Variants in RSF1 observed in about 807,000 individuals in gnomAD.
RSF1 encodes HBV pX-associated protein 8.
A neutral mutation model predicts 145.2 loss-of-function variants in RSF1; 13 were observed. The observed-to-expected ratio is 0.09, with a 90% CI of 0.06 to 0.14. RSF1 has a LOEUF of 0.14. Among genes scored for constraint, RSF1 ranks in the 10% least tolerant of loss-of-function variants. The pLI is 1.00. For missense variants in RSF1, 1,517 were observed against 1,718.2 expected (o/e 0.88, Z 2.07); for synonymous variants, 577 against 592.6 (o/e 0.97, Z 0.38).
At chr11:77,853,075 A>C in the RSF1 span, among the ~76,000 whole-genome samples, 29 of 152,230 alleles carry the variant, frequency 1.9e-4, 1 homozygote, top group Non-Finnish European at 7.3e-5. Flanking sequence ...ATTGTGCTTA[A>C]AGAGTAAATG....
chr11:77,805,535 T>C (rs1033377825), intron 1 of RSF1, among the ~76,000 whole-genome samples: 1 of 152,174 alleles, frequency 6.6e-6, no homozygotes, highest in East Asian at 1.9e-4. Flanking sequence ...AATGCCAAGA[T>C]AGTTAATTAA....
At chr11:77,860,556 T>C in the RSF1 span, among the ~76,000 whole-genome samples, 3 of 152,228 alleles carry the variant, frequency 2.0e-5, no homozygotes, top group Admixed American at 2.0e-4. Context: ...ACAAGGTTTC[T>C]GAAAGGGCAG....
At chr11:77,830,761 G>T in the RSF1 span, among the ~76,000 whole-genome samples, 1 of 151,888 alleles carries the variant, frequency 6.6e-6, no homozygotes, top group Admixed American at 6.6e-5. Flanking sequence ...TTTCACCAAA[G>T]AAAATATACA....
At chr11:77,735,090 G>A (rs1314714592) in intron 4 of RSF1, 3 of 932,654 alleles carry the variant, frequency 3.2e-6, no homozygotes, top group East Asian at 2.6e-5. Context: ...CGGCGGCAGG[G>A]GCCTTGGGGC....
chr11:77,868,556 G>A, the RSF1 span, among the ~76,000 whole-genome samples: 11 of 147,738 alleles, frequency 7.4e-5, no homozygotes, highest in Non-Finnish European at 1.2e-4. Context: ...ATGGGGTTTC[G>A]CCATGTTGAC....
chr11:77,764,300 T>A (rs1948204424), intron 2 of RSF1: 1 of 264,304 alleles, frequency 3.8e-6, no homozygotes, highest in Non-Finnish European at 7.0e-6. Context: ...ATTAGTTTCT[T>A]ACTTGATGTG....
chr11:77,788,520 G>A (rs1948483772), intron 1 of RSF1, among the ~76,000 whole-genome samples: 1 of 146,116 alleles, frequency 6.8e-6, no homozygotes, highest in Non-Finnish European at 1.5e-5. Flanking sequence ...AAAAAGACTA[G>A]CGAACTTAAA....
the RSF1 span, among the ~76,000 whole-genome samples, chr11:77,834,442 T>G: frequency 1.2e-4 from 2 of 17,156 alleles, no homozygotes; most frequent in East Asian, 2.0e-3. Context: ...GTTGATTTTG[T>G]TTTTTTTTTT....
At position 77,664,539 on chromosome 11, in the gene RSF1, T is replaced by C. The variant is rs1255469922; in HGVS notation, c.*2378A>G. The C allele has an allele frequency of 2.0e-5, 3 of 152,188 alleles. No homozygotes were observed. The highest frequency in any genetic ancestry group is 4.4e-5 in the Non-Finnish European group (3 of 68,032). The allele number at this position is 152,188 out of a possible 1,614,324, so 9.4% of individuals were successfully genotyped here. On this transcript the variant is annotated 3_prime_UTR_variant, in exon 16 of 16. Coordinates refer to ENST00000308488, the MANE Select transcript of RSF1 (RefSeq NM_016578.4). ...CCCATTTAATACTACTTCTGATCAC[T>C]TGGCTTAACTGAGGAATAGAATAGG... is the stretch of plus-strand genomic sequence containing the variant.
chr11:77,757,459 C>A (rs1948126887), intron 2 of RSF1, among the ~76,000 whole-genome samples: 1 of 152,160 alleles, frequency 6.6e-6, no homozygotes, highest in Non-Finnish European at 1.5e-5. Flanking sequence ...GCGGGTGGAT[C>A]ACGAGGTCAG....
chr11:77,780,600 C>T (rs779595027), intron 1 of RSF1, among the ~76,000 whole-genome samples: 12 of 152,118 alleles, frequency 7.9e-5, no homozygotes, highest in Admixed American at 6.5e-4. Context: ...CCAAGGTGGG[C>T]GAATCACTGG....
chr11:77,858,559 C>CACCT, the RSF1 span, among the ~76,000 whole-genome samples: 2 of 152,024 alleles, frequency 1.3e-5, no homozygotes, highest in South Asian at 2.1e-4. Flanking sequence ...TGGATGTGGT[C>CACCT]ACCTTCCCAG....
intron 1 of RSF1, among the ~76,000 whole-genome samples, chr11:77,785,734 G>A (rs1309442374): frequency 1.2e-4 from 18 of 150,524 alleles, no homozygotes; most frequent in Admixed American, 6.6e-5. Flanking sequence ...GGTGGATCAC[G>A]GTGAAACCCC....
intron 15 of RSF1, among the ~76,000 whole-genome samples, chr11:77,669,018 GT>G (rs2135807122): frequency 6.6e-6 from 1 of 152,310 alleles, no homozygotes; most frequent in South Asian, 2.1e-4. Flanking sequence ...CTCAAATGAT[GT>G]GTCTAAAACT....
intron 3 of RSF1, among the ~76,000 whole-genome samples, chr11:77,745,799 G>C (rs1590863987): frequency 6.6e-6 from 1 of 151,662 alleles, no homozygotes; most frequent in African/African-American, 2.4e-5. Context: ...TGCCCGGGCA[G>C]ACAACACATT....
At chr11:77,671,138 A>AATAT (rs1225103987) in intron 15 of RSF1, among the ~76,000 whole-genome samples, 372 of 21,926 alleles carry the variant, frequency 0.017, 3 homozygotes, top group East Asian at 0.019. Context: ...AAAAAAAAAA[A>AATAT]ATATATATAT....
In RSF1 at chr11:77,746,919, A is replaced by T. The variant is rs1948008219; in HGVS notation, c.372+117T>A. 8 of 602,496 alleles carry T rather than the reference A, an allele frequency of 1.3e-5. 1 individual carries two copies. The South Asian group carries it at 1.8e-4, about 13-fold the overall frequency. The allele number at this position is 602,496 out of a possible 1,614,324, so 37.3% of individuals were successfully genotyped here. A position where few individuals can be genotyped will look rare whatever the true frequency, so the allele number is the denominator to read the frequency against. On this transcript the variant is annotated intron_variant, in intron 3 of 15. Coordinates refer to ENST00000308488, the MANE Select transcript of RSF1 (RefSeq NM_016578.4). ...AGATTGTCACTAAAAAATAGACTCC[A>T]TTGTCCTCTTCTGCTAATAATAAAA...
intron 2 of RSF1, among the ~76,000 whole-genome samples, chr11:77,748,102 G>A (rs544938305): frequency 1.3e-5 from 2 of 151,926 alleles, no homozygotes; most frequent in Non-Finnish European, 2.9e-5. Flanking sequence ...GCCTGCACTA[G>A]TGTCATAGTG....
At position 77,816,306 on chromosome 11, in the gene RSF1, C is replaced by T. The variant is rs536485550; in HGVS notation, c.187+4222G>A. Among the ~76,000 whole-genome samples, 6 of 152,340 alleles carry T rather than the reference C, an allele frequency of 3.9e-5. No homozygotes were observed. In the East Asian group the frequency reaches 1.2e-3, roughly 29 times the overall value. The stretch of plus-strand genomic sequence containing the variant: ...AAATCAACACATGTGGCCCCAGTTA[C>T]AGTAATCACCTTTCCACTTTATCAA... On this transcript the variant is annotated intron_variant, in intron 1 of 15. Transcript: ENST00000308488.
Sources: allele counts gnomAD v4.1 joint callset (sites outside exome capture counted in the v4.1 genomes callset), GRCh38; gene constraint gnomAD v4.1.1; transcripts MANE v1.5; gene names NCBI Gene and HGNC (gene_info 2026-07-23, HGNC 2026-07-21).